Variants in ITPK1 observed in about 807,000 individuals in gnomAD.
ITPK1 encodes inositol-tetrakisphosphate 1-kinase.
In ITPK1, 21 loss-of-function variants were observed where a neutral mutation model predicts 45.3. The observed-to-expected ratio is 0.46, with a 90% CI of 0.33 to 0.67. The LOEUF is 0.67. Among genes scored for constraint, ITPK1 ranks in the 30% least tolerant of loss-of-function variants. The probability of loss-of-function intolerance (pLI) is 0.02; values close to 1 mark genes in which losing one functional copy is unlikely to be tolerated. For missense variants in ITPK1, 474 were observed against 573.5 expected, an observed-to-expected ratio of 0.83 and a Z score of 1.77; for synonymous variants, 258 against 253.6, an observed-to-expected ratio of 1.02 and a Z score of -0.16.
At chr14:93,051,187 C>T (rs1408210178) in intron 3 of ITPK1, among the ~76,000 whole-genome samples, 1 of 152,196 alleles carries the variant, frequency 6.6e-6, no homozygotes, top group Admixed American at 6.5e-5. Flanking sequence ...CATACACATG[C>T]CTCAATTTCC....
intron 5 of ITPK1, among the ~76,000 whole-genome samples, chr14:92,987,695 G>A (rs1314413979): frequency 6.6e-6 from 1 of 152,268 alleles, no homozygotes; most frequent in Non-Finnish European, 1.5e-5. Flanking sequence ...CCTCTCTAAG[G>A]TTCCACACCC....
At chr14:93,101,086 A>G (rs1892298822) in intron 2 of ITPK1, among the ~76,000 whole-genome samples, 1 of 152,210 alleles carries the variant, frequency 6.6e-6, no homozygotes, top group Admixed American at 6.5e-5. Context: ...ATCAACAAAA[A>G]TAACTCATCC....
At position 92,958,605 on chromosome 14, in the gene ITPK1, GTGAGA is replaced by G. The variant is rs1418436704; in HGVS notation, c.505-244_505-240del. The stretch of plus-strand genomic sequence containing the variant: ...ATCCTCCCTTCACCGGGCCTGCCAT[GTGAGA>G]TCGAGCTGGCTGTGCACTGCACAAC... On this transcript the variant is annotated intron_variant, in intron 7 of 10. Transcript: ENST00000267615. The surrounding 1 kb of genome is among the most constrained non-coding windows in gnomAD (Gnocchi z 4.4). Among the ~76,000 whole-genome samples, 6 of 152,234 alleles carry G rather than the reference GTGAGA, an allele frequency of 3.9e-5. No homozygotes were observed. The highest frequency in any genetic ancestry group is 2.0e-4 in the Admixed American group (3 of 15,282).
At chr14:93,086,890 T>C (rs779850716) in intron 2 of ITPK1, among the ~76,000 whole-genome samples, 1 of 152,122 alleles carries the variant, frequency 6.6e-6, no homozygotes, top group East Asian at 1.9e-4. Flanking sequence ...TACTGGAGTA[T>C]CTCCCTGGCC....
At chr14:93,013,379 T>C (rs991831057) in intron 4 of ITPK1, among the ~76,000 whole-genome samples, 10 of 152,208 alleles carry the variant, frequency 6.6e-5, no homozygotes, top group African/African-American at 2.4e-4. Context: ...AGTAAGCCTC[T>C]GGCCCACAGC....
chr14:92,975,565 G>A (rs1347079602), intron 5 of ITPK1, among the ~76,000 whole-genome samples: 1 of 152,222 alleles, frequency 6.6e-6, no homozygotes, highest in Non-Finnish European at 1.5e-5. Context: ...GGTTAACATT[G>A]TTCTCCGTGT....
chr14:93,077,565 G>A (rs1891275506), intron 2 of ITPK1, among the ~76,000 whole-genome samples: 1 of 152,136 alleles, frequency 6.6e-6, no homozygotes, highest in Non-Finnish European at 1.5e-5. Flanking sequence ...TGATCCGCCT[G>A]CCTCAGCCTC....
rs931397200 is a variant in ITPK1 at position 93,087,907 on chromosome 14, C to A, written c.96-11288G>T. Among the ~76,000 whole-genome samples, 11 of 152,264 alleles carry A rather than the reference C, an allele frequency of 7.2e-5. No individual in the cohort carries two copies. In the South Asian group the frequency reaches 2.1e-3, roughly 29 times the overall value. On this transcript the variant is annotated intron_variant, in intron 2 of 10. Coordinates refer to ENST00000267615, the MANE Select transcript of ITPK1 (RefSeq NM_014216.6). ...CCTGATGGGAATGGCGGGAAAGAAG[C>A]CCAGGGAAGGGATGTGGGGGAACTG...
At chr14:93,097,310 C>T (rs1331652144) in intron 2 of ITPK1, among the ~76,000 whole-genome samples, 1 of 152,172 alleles carries the variant, frequency 6.6e-6, no homozygotes, top group African/African-American at 2.4e-5. Context: ...TTTTGGCCAA[C>T]AAACTGTAGA....
At chr14:92,999,806 A>G (rs1273661116) in intron 4 of ITPK1, among the ~76,000 whole-genome samples, 1 of 152,232 alleles carries the variant, frequency 6.6e-6, no homozygotes, top group African/African-American at 2.4e-5. Context: ...ATTTACCCCA[A>G]AGCAAGGGCT....
At chr14:92,948,286 T>C (rs903036389) in intron 9 of ITPK1, among the ~76,000 whole-genome samples, 5 of 152,218 alleles carry the variant, frequency 3.3e-5, no homozygotes, top group Non-Finnish European at 7.3e-5. Context: ...TGGACAACAC[T>C]GTGAAGGTAC....
At chr14:93,024,566 G>A (rs775127589) in intron 3 of ITPK1, among the ~76,000 whole-genome samples, 5 of 152,154 alleles carry the variant, frequency 3.3e-5, no homozygotes, top group Non-Finnish European at 7.4e-5. Flanking sequence ...TGGCCTCAGC[G>A]GAGGCCTTTC....
At chr14:92,975,562 A>G (rs1310520817) in intron 5 of ITPK1, among the ~76,000 whole-genome samples, 1 of 152,112 alleles carries the variant, frequency 6.6e-6, no homozygotes, top group East Asian at 1.9e-4. Context: ...TTTGGTTAAC[A>G]TTGTTCTCCG....
intron 5 of ITPK1, among the ~76,000 whole-genome samples, chr14:92,990,413 C>T (rs1011179318): frequency 3.3e-5 from 5 of 152,162 alleles, no homozygotes; most frequent in Admixed American, 6.5e-5. Context: ...CCCCTGTGCC[C>T]GTGCTGGATG....
At chr14:92,991,887 G>A (rs142045568) in intron 5 of ITPK1, among the ~76,000 whole-genome samples, 31 of 152,320 alleles carry the variant, frequency 2.0e-4, no homozygotes, top group African/African-American at 6.5e-4. Flanking sequence ...CTGTTCCCGG[G>A]TGACCCAGTG....
chr14:93,041,812 G>T (rs1209348448), intron 3 of ITPK1, among the ~76,000 whole-genome samples: 2 of 152,164 alleles, frequency 1.3e-5, no homozygotes, highest in African/African-American at 4.8e-5. Context: ...GGCCTTTCCT[G>T]TCTGGCCTCC....
chr14:93,079,593 G>A (rs544358012), intron 2 of ITPK1, among the ~76,000 whole-genome samples: 4 of 152,278 alleles, frequency 2.6e-5, no homozygotes, highest in Admixed American at 1.3e-4. Context: ...AGGTGGCAGC[G>A]GAAAACTGCA....
chr14:92,950,938 G>A (rs1026472761), intron 9 of ITPK1, among the ~76,000 whole-genome samples: 4 of 152,248 alleles, frequency 2.6e-5, no homozygotes, highest in African/African-American at 9.6e-5. Flanking sequence ...CCACGCCTGT[G>A]CTCTGTCTAA....
intron 3 of ITPK1, among the ~76,000 whole-genome samples, chr14:93,048,162 T>C (rs1447192338): frequency 6.6e-6 from 1 of 152,220 alleles, no homozygotes; most frequent in Non-Finnish European, 1.5e-5. Flanking sequence ...CATGTCCAAA[T>C]GAACAGGGTG....
Sources: gnomAD v4.1 joint callset for allele counts (sites outside exome capture counted in the v4.1 genomes callset) on GRCh38, gnomAD v4.1.1 for gene constraint, Gnocchi (gnomAD v3.1) non-coding constraint, MANE v1.5 for transcripts, NCBI Gene and HGNC (gene_info 2026-07-23, HGNC 2026-07-21) for gene names.